The following DPP10 variants were observed in gnomAD, a reference collection of about 807,000 sequenced individuals.
DPP10 encodes the protein dipeptidyl peptidase like 10, also known as inactive dipeptidyl peptidase 10.
A neutral mutation model predicts 120.9 loss-of-function variants in DPP10; 33 were observed. That is an observed-to-expected ratio of 0.27 (90% CI 0.21 to 0.37). The LOEUF (loss-of-function observed/expected upper bound fraction) is 0.37. Ranked by LOEUF, DPP10 falls within the 10% of genes least tolerant of loss-of-function variation. DPP10 has a pLI of 1.00. For missense variants in DPP10, 816 were observed against 942.8 expected, an observed-to-expected ratio of 0.87 and a Z score of 1.76; for synonymous variants, 337 against 326.1, an observed-to-expected ratio of 1.03 and a Z score of -0.36.
At chr2:115,423,564 A>G (rs1383364981) in intron 3 of DPP10, among the ~76,000 whole-genome samples, 1 of 152,122 alleles carries the variant, frequency 6.6e-6, no homozygotes, top group Non-Finnish European at 1.5e-5. Flanking sequence ...CAAATGACAA[A>G]AAGAACGGCT....
chr2:115,004,035 C>T (rs1260107213), intron 1 of DPP10, among the ~76,000 whole-genome samples: 2 of 152,138 alleles, frequency 1.3e-5, no homozygotes, highest in Non-Finnish European at 2.9e-5. Flanking sequence ...TTGCTTACAA[C>T]TTACTCAACA....
chr2:114,501,977 C>G (rs1166372760), intron 1 of DPP10, among the ~76,000 whole-genome samples: 1 of 142,280 alleles, frequency 7.0e-6, no homozygotes, highest in African/African-American at 2.7e-5. Context: ...AATCCATCCC[C>G]TAGGCTGGAG....
At chr2:115,250,466 A>G (rs2058708189) in intron 1 of DPP10, among the ~76,000 whole-genome samples, 1 of 152,164 alleles carries the variant, frequency 6.6e-6, no homozygotes, top group Non-Finnish European at 1.5e-5. Flanking sequence ...GAGAAAAGAG[A>G]GAAGATTGGA....
chr2:115,408,352 G>C (rs2068687316), intron 3 of DPP10, among the ~76,000 whole-genome samples: 1 of 152,110 alleles, frequency 6.6e-6, no homozygotes, highest in Non-Finnish European at 1.5e-5. Context: ...CTGGGAAAAG[G>C]GCAGGCTTCA....
intron 1 of DPP10, among the ~76,000 whole-genome samples, chr2:114,697,061 G>C (rs1162248666): frequency 6.6e-6 from 1 of 152,036 alleles, no homozygotes; most frequent in Non-Finnish European, 1.5e-5. Context: ...AAGGTACTCA[G>C]TATAGCACTA....
At chr2:114,843,841 A>C (rs1352858394) in intron 1 of DPP10, among the ~76,000 whole-genome samples, 2 of 152,040 alleles carry the variant, frequency 1.3e-5, no homozygotes, top group African/African-American at 4.8e-5. Context: ...ATCAGCTACC[A>C]TTACAATGTC....
rs75751859 is a variant in DPP10, at chr2:115,842,664, C to T, written c.*319C>T. 524 of 197,324 alleles carry T rather than the reference C, an allele frequency of 2.7e-3. 13 individuals carry two copies. The East Asian group carries it at 0.036, about 14-fold the overall frequency. 12.2% of individuals were successfully genotyped at this position (197,324 alleles called of 1,614,324 possible). A position where few individuals can be genotyped will look rare whatever the true frequency, so the allele number is the denominator to read the frequency against. Reference sequence around the variant, plus strand: ...TGTTTGTTCTGTAACTAGTTGCTCTCATTTTAATTTCACTGGCCACCATCA... The same window carrying T: ...TGTTTGTTCTGTAACTAGTTGCTCTTATTTTAATTTCACTGGCCACCATCA... On this transcript the variant is annotated 3_prime_UTR_variant, in exon 26 of 26. Coordinates refer to ENST00000410059, the MANE Select transcript of DPP10 (RefSeq NM_020868.6).
chr2:114,955,966 T>C (rs1309894866), intron 1 of DPP10, among the ~76,000 whole-genome samples: 2 of 152,164 alleles, frequency 1.3e-5, no homozygotes, highest in African/African-American at 2.4e-5. Context: ...AGGCCATATA[T>C]GATAAGCCCA....
In DPP10 at chr2:115,647,939, G is replaced by A. The variant is rs552448946; in HGVS notation, c.442-41748G>A. Among the ~76,000 whole-genome samples, 15 of 152,240 alleles carry A rather than the reference G, an allele frequency of 9.9e-5. 1 individual carries two copies. Among genetic ancestry groups the A allele is most frequent in the African/African-American group, 3.6e-4 (15 of 41,542 alleles). On this transcript the variant is annotated intron_variant, in intron 5 of 25. Coordinates refer to ENST00000410059, the MANE Select transcript of DPP10 (RefSeq NM_020868.6). ...TTACGTTCATCGTGAATTTTGGAGG[G>A]AGCAAACACATTCAAACCATAGAAG... is the stretch of plus-strand genomic sequence containing the variant.
At chr2:115,627,359 G>A (rs544752861) in intron 5 of DPP10, among the ~76,000 whole-genome samples, 7 of 151,954 alleles carry the variant, frequency 4.6e-5, no homozygotes, top group Admixed American at 6.6e-5. Context: ...TCTCAGCTAG[G>A]GGAGGAGAGC....
chr2:115,583,957 T>TA (rs1292539325), intron 5 of DPP10, among the ~76,000 whole-genome samples: 1 of 152,166 alleles, frequency 6.6e-6, no homozygotes, highest in Non-Finnish European at 1.5e-5. Context: ...GGAAAGTAGT[T>TA]AAAATTGATC....
intron 1 of DPP10, chr2:115,162,399 C>CA: frequency 7.8e-7 from 1 of 1,284,272 alleles, no homozygotes; most frequent in Non-Finnish European, 1.0e-6. Context: ...CTGCTGCGCT[C>CA]CTGACGGCCG....
At chr2:115,729,262 T>G (rs2092840418) in intron 8 of DPP10, among the ~76,000 whole-genome samples, 1 of 152,190 alleles carries the variant, frequency 6.6e-6, no homozygotes, top group Non-Finnish European at 1.5e-5. Context: ...TGGTTAGTTC[T>G]GGCAGTCTAG....
At chr2:114,692,961 C>T (rs1346690096) in intron 1 of DPP10, among the ~76,000 whole-genome samples, 5 of 152,016 alleles carry the variant, frequency 3.3e-5, no homozygotes, top group Non-Finnish European at 7.4e-5. Flanking sequence ...TATTTTAAGT[C>T]TATGTGTGTC....
chr2:115,544,797 C>G (rs1451343787), intron 5 of DPP10, among the ~76,000 whole-genome samples: 1 of 151,960 alleles, frequency 6.6e-6, no homozygotes, highest in Non-Finnish European at 1.5e-5. Flanking sequence ...TTCCTCACTG[C>G]TGCTGGTGGT....
At chr2:115,781,951 CTTTT>C (rs1412267342) in intron 16 of DPP10, among the ~76,000 whole-genome samples, 2 of 151,814 alleles carry the variant, frequency 1.3e-5, no homozygotes, top group Non-Finnish European at 2.9e-5. Flanking sequence ...TGCGTGCTTT[CTTTT>C]TTTGGCTGAG....
intron 1 of DPP10, among the ~76,000 whole-genome samples, chr2:114,786,553 G>A (rs544296643): frequency 1.0e-3 from 156 of 152,232 alleles, no homozygotes; most frequent in Non-Finnish European, 1.6e-3. Context: ...ACAATTCTAC[G>A]ATCCAGATTC....
intron 7 of DPP10, among the ~76,000 whole-genome samples, chr2:115,702,505 A>C (rs952546477): frequency 6.6e-6 from 1 of 152,146 alleles, no homozygotes; most frequent in Admixed American, 6.6e-5. Context: ...TTATTCATAC[A>C]ATGAAATTAT....
At chr2:115,512,848 A>G (rs955675818) in intron 4 of DPP10, among the ~76,000 whole-genome samples, 17 of 152,088 alleles carry the variant, frequency 1.1e-4, no homozygotes, top group African/African-American at 3.1e-4. Context: ...TGCAAACCTC[A>G]TAAGTATGTG....
Sources: allele counts gnomAD v4.1 joint callset (sites outside exome capture counted in the v4.1 genomes callset), GRCh38; gene constraint gnomAD v4.1.1; transcripts MANE v1.5; gene names NCBI Gene and HGNC (gene_info 2026-07-23, HGNC 2026-07-21).